The following DSCAM variants were observed in gnomAD, a reference collection of about 807,000 sequenced individuals.
DSCAM encodes DS cell adhesion molecule, also known as cell adhesion molecule DSCAM.
DSCAM carries 47 observed loss-of-function variants against 217.7 expected under a neutral mutation model. The observed-to-expected ratio is 0.22, with a 90% CI of 0.17 to 0.28. DSCAM has a LOEUF of 0.28. Ranked by LOEUF, DSCAM falls within the 10% of genes least tolerant of loss-of-function variation. DSCAM has a pLI of 1.00. For synonymous variants in DSCAM, 1,056 were observed against 1,015.3 expected, an observed-to-expected ratio of 1.04 and a Z score of -0.76; for missense variants, 2,080 against 2,618.3, an observed-to-expected ratio of 0.79 and a Z score of 4.49.
intron 3 of DSCAM, among the ~76,000 whole-genome samples, chr21:40,621,063 T>C (rs892954001): frequency 2.0e-5 from 3 of 152,146 alleles, no homozygotes; most frequent in African/African-American, 7.2e-5. Flanking sequence ...CAGTGGTTAC[T>C]AAAGTTGGGA....
chr21:40,151,180 G>C (rs990707063), intron 16 of DSCAM, among the ~76,000 whole-genome samples: 7 of 151,904 alleles, frequency 4.6e-5, no homozygotes, highest in Admixed American at 4.6e-4. Context: ...AAAAAGGGTG[G>C]GGATCCCAAC....
At chr21:40,639,384 T>C (rs1171790417) in intron 3 of DSCAM, among the ~76,000 whole-genome samples, 1 of 152,232 alleles carries the variant, frequency 6.6e-6, no homozygotes, top group African/African-American at 2.4e-5. Flanking sequence ...GATCATGTGA[T>C]ACTTAGATAC....
intron 10 of DSCAM, among the ~76,000 whole-genome samples, chr21:40,284,660 C>T (rs1181816600): frequency 6.6e-6 from 1 of 152,208 alleles, no homozygotes; most frequent in Admixed American, 6.5e-5. Context: ...GCACTAGAAG[C>T]AGCTGTTAGC....
At chr21:40,341,015 C>G (rs539886249) in intron 6 of DSCAM, among the ~76,000 whole-genome samples, 4 of 152,186 alleles carry the variant, frequency 2.6e-5, no homozygotes, top group Non-Finnish European at 5.9e-5. Flanking sequence ...AATCTCACTT[C>G]TTCATTCCAG....
chr21:40,120,502 G>A (rs2090021489), intron 20 of DSCAM, among the ~76,000 whole-genome samples: 1 of 152,142 alleles, frequency 6.6e-6, no homozygotes, highest in Admixed American at 6.5e-5. Flanking sequence ...TTCTTCCTGG[G>A]ACCTTAAAAG....
intron 8 of DSCAM, among the ~76,000 whole-genome samples, chr21:40,337,076 G>A (rs866702374): frequency 2.0e-5 from 3 of 152,178 alleles, no homozygotes; most frequent in South Asian, 4.2e-4. Flanking sequence ...TATATGCCCC[G>A]TAATAATAGT....
Position 40,076,283 on chromosome 21 carries a change from A to C in DSCAM, c.4712-1070T>G, listed in dbSNP as rs114480178. Among the ~76,000 whole-genome samples, 729 of 152,218 alleles carry C rather than the reference A, an allele frequency of 4.8e-3. 8 individuals are homozygous for C. Among genetic ancestry groups the C allele is most frequent in the African/African-American group, 0.016 (660 of 41,544 alleles). ...GGAAAGAGGCACTTACAGGATGCCC[A>C]TGAAGAGGGGTCTGCAAAACCAAGA... On this transcript the variant is annotated intron_variant, in intron 26 of 32. Transcript: ENST00000400454.
chr21:40,443,045 A>G (rs2075645771), intron 3 of DSCAM, among the ~76,000 whole-genome samples: 1 of 152,154 alleles, frequency 6.6e-6, no homozygotes, highest in Non-Finnish European at 1.5e-5. Flanking sequence ...AATCACCACT[A>G]CAGATTTCTT....
intron 3 of DSCAM, among the ~76,000 whole-genome samples, chr21:40,429,839 T>C (rs1290235586): frequency 6.6e-6 from 1 of 152,206 alleles, no homozygotes; most frequent in Non-Finnish European, 1.5e-5. Flanking sequence ...ATTTTTTCTA[T>C]GCTGGGCGCT....
At chr21:40,300,597 G>C (rs1362812036) in intron 9 of DSCAM, among the ~76,000 whole-genome samples, 1 of 152,154 alleles carries the variant, frequency 6.6e-6, no homozygotes, top group African/African-American at 2.4e-5. Flanking sequence ...CACCTTACTG[G>C]TGCAACCTTG....
chr21:40,462,039 G>C (rs960491308), intron 3 of DSCAM, among the ~76,000 whole-genome samples: 3 of 152,214 alleles, frequency 2.0e-5, no homozygotes, highest in Non-Finnish European at 4.4e-5. Context: ...TAAAGCAGCA[G>C]CAGCAGGAAA....
intron 3 of DSCAM, among the ~76,000 whole-genome samples, chr21:40,436,235 T>C (rs773407356): frequency 1.8e-4 from 28 of 152,238 alleles, no homozygotes; most frequent in Non-Finnish European, 3.1e-4. Context: ...GTATCAATTG[T>C]AGTGATGTAT....
rs150090584 is a variant in DSCAM, at chr21:40,353,576, C to T, written c.823G>A (p.Val275Met). The T allele has an allele frequency of 2.9e-5, 46 of 1,610,540 alleles. 1 individual carries two copies. In the East Asian group the frequency reaches 3.3e-4, roughly 12 times the overall value. The change falls in exon 5 of 33, where the codon GTG (valine) becomes ATG (methionine). Residue 275 changes from valine (V) to methionine (M), a missense_variant. Val to Met is a conservative substitution (Grantham distance 21). Around this residue, in one of 5 missense-constraint regions of DSCAM, gnomAD observed 568 missense variants for 678.1 expected, o/e 0.84. Coordinates refer to ENST00000400454, the MANE Select transcript of DSCAM (RefSeq NM_001389.5). Reference protein sequence around the residue: ...LELSGRFQKTVTGLLIENIRP... With the variant: ...LELSGRFQKTMTGLLIENIRP... Reference sequence around the variant, plus strand: ...ATGTTCTCAATGAGCAGCCCCGTCACGGTCTTCTGGAACCTCCCTGAAAGT... The same window carrying T: ...ATGTTCTCAATGAGCAGCCCCGTCATGGTCTTCTGGAACCTCCCTGAAAGT...
At chr21:40,594,063 G>A (rs879842853) in intron 3 of DSCAM, among the ~76,000 whole-genome samples, 1 of 152,044 alleles carries the variant, frequency 6.6e-6, no homozygotes, top group Non-Finnish European at 1.5e-5. Context: ...TTTCTTACAA[G>A]CCCCTTTTCA....
At chr21:40,633,781 A>G (rs4818145) in intron 3 of DSCAM, among the ~76,000 whole-genome samples, 39,190 of 152,116 alleles carry the variant, frequency 0.26, 5,315 homozygotes, top group South Asian at 0.32. Context: ...GTGAATTTTG[A>G]GAGCGTGTTC....
chr21:40,422,394 C>A (rs571271226), intron 3 of DSCAM, among the ~76,000 whole-genome samples: 1 of 152,020 alleles, frequency 6.6e-6, no homozygotes, highest in African/African-American at 2.4e-5. Context: ...CTGTGGGAGG[C>A]GGAGGTGAGC....
chr21:40,091,181 G>A lies in DSCAM; in HGVS notation c.3850+2540C>T, dbSNP rs191019949. 1.2e-3 allele frequency among the ~76,000 whole-genome samples: 187 copies of A among 152,216 alleles called. 2 individuals are homozygous for A. The highest frequency in any genetic ancestry group is 4.2e-3 in the African/African-American group (174 of 41,516). On this transcript the variant is annotated intron_variant, in intron 21 of 32. Transcript: ENST00000400454. ...ACAATTTTTCTGTAAATCTAAAACT[G>A]TTCTAAAAAATAAGGTTTATCACAC...
At chr21:40,218,148 C>T (rs2091260146) in intron 11 of DSCAM, among the ~76,000 whole-genome samples, 1 of 152,022 alleles carries the variant, frequency 6.6e-6, no homozygotes, top group Admixed American at 6.6e-5. Context: ...CGTCTTTAAT[C>T]TTTCTTGAGT....
chr21:40,527,202 C>T (rs1399573900), intron 3 of DSCAM, among the ~76,000 whole-genome samples: 1 of 152,184 alleles, frequency 6.6e-6, no homozygotes, highest in Non-Finnish European at 1.5e-5. Context: ...CAGACAAAAT[C>T]TACCCCATGT....
Sources: allele counts gnomAD v4.1 joint callset (sites outside exome capture counted in the v4.1 genomes callset), GRCh38; gene constraint gnomAD v4.1.1; regional missense constraint gnomAD v4.1.1; transcripts MANE v1.5; gene names NCBI Gene and HGNC (gene_info 2026-07-23, HGNC 2026-07-21).